EPRS1: variants seen among roughly 807,000 people sequenced by gnomAD.
The protein encoded by EPRS1 is bifunctional glutamate/proline--tRNA ligase.
In EPRS1, 107 loss-of-function variants were observed where a neutral mutation model predicts 188.3. That is an observed-to-expected ratio of 0.57 (90% confidence interval 0.49 to 0.67). The LOEUF is 0.67. Among genes scored for constraint, EPRS1 ranks in the 30% least tolerant of loss-of-function variants. EPRS1 has a pLI of 0.00. For missense variants in EPRS1, 1,577 were observed against 1,802.2 expected (o/e 0.88, Z 2.26); for synonymous variants, 596 against 593.1 (o/e 1.00, Z -0.07).
intron 1 of EPRS1, among the ~76,000 whole-genome samples, chr1:220,043,213 C>G (rs1662332104): frequency 6.6e-6 from 1 of 151,648 alleles, no homozygotes; most frequent in African/African-American, 2.4e-5. Flanking sequence ...AGATTACACA[C>G]TTGTCACATT....
chr1:220,011,071 T>C lies in EPRS1; in HGVS notation c.1495-15A>G, dbSNP rs375126481. ...GGGTCAATAACCTGCAACAAATACA[T>C]CCTCATGTTAAAACACTGCGATATC... On this transcript the variant is annotated splice_polypyrimidine_tract_variant and intron_variant, in intron 12 of 31. Coordinates refer to ENST00000366923, the MANE Select transcript of EPRS1 (RefSeq NM_004446.3). 25 of 1,433,452 alleles carry C rather than the reference T, an allele frequency of 1.7e-5. No individual in the cohort carries two copies. Among genetic ancestry groups the C allele is most frequent in the Non-Finnish European group, 2.5e-5 (25 of 1,015,748 alleles). 88.8% of individuals were successfully genotyped at this position (1,433,452 alleles called of 1,614,324 possible).
In EPRS1 at chr1:220,032,588, G is replaced by A; in HGVS notation, c.389-62C>T. On this transcript the variant is annotated intron_variant, in intron 4 of 31. Transcript: ENST00000366923. ...CTGCAGCTTCAAAAGCAAAGTTCCA[G>A]TTGTGACTAATTGAAGTAATTGAGA... 3.2e-6 allele frequency: 5 copies of A among 1,545,138 alleles called. No homozygotes were observed. The South Asian group carries it at 3.4e-5, about 11-fold the overall frequency.
intron 16 of EPRS1, among the ~76,000 whole-genome samples, chr1:220,002,949 T>C (rs753898147): frequency 6.6e-6 from 1 of 152,248 alleles, no homozygotes; most frequent in Non-Finnish European, 1.5e-5. Context: ...AACATTCATG[T>C]ACACATTTTT....
chr1:220,039,520 A>ATTT lies in EPRS1; in HGVS notation c.131+662_131+664dup, dbSNP rs11414713. On this transcript the variant is annotated intron_variant, in intron 2 of 31. Coordinates refer to ENST00000366923, the MANE Select transcript of EPRS1 (RefSeq NM_004446.3). ...AACAAGCATACAACATTTAATGCTG[A>ATTT]TTTTTTTTTTTTTTTTGAGACAGAG... is the stretch of plus-strand genomic sequence containing the variant. 2.2e-5 allele frequency among the ~76,000 whole-genome samples: 3 copies of ATTT among 138,626 alleles called. 1 individual carries two copies. Among genetic ancestry groups the ATTT allele is most frequent in the African/African-American group, 8.0e-5 (3 of 37,578 alleles). 90.9% of individuals were successfully genotyped at this position (138,626 alleles called of 152,430 possible). A position where few individuals can be genotyped will look rare whatever the true frequency, so the allele number is the denominator to read the frequency against.
chr1:219,983,483 A>G, intron 21 of EPRS1, 85 bp from the exon 22 acceptor site: 1 of 898,836 alleles, frequency 1.1e-6, no homozygotes. Flanking sequence ...CCAAAATTCA[A>G]ATCTGGAGGC....
chr1:219,997,968 T>C (rs1050650414), intron 17 of EPRS1, among the ~76,000 whole-genome samples: 25 of 152,154 alleles, frequency 1.6e-4, no homozygotes, highest in Non-Finnish European at 5.9e-5. Flanking sequence ...TTTACAGGTA[T>C]CTATTTGTGT....
intron 10 of EPRS1, among the ~76,000 whole-genome samples, chr1:220,019,671 T>C (rs1661823626): frequency 6.6e-6 from 1 of 152,022 alleles, no homozygotes; most frequent in Non-Finnish European, 1.5e-5. Flanking sequence ...CAGCAGAGAG[T>C]AGAGATCAGT....
At chr1:220,009,361 T>A (rs1424704584) in intron 13 of EPRS1, among the ~76,000 whole-genome samples, 1 of 152,238 alleles carries the variant, frequency 6.6e-6, no homozygotes, top group East Asian at 1.9e-4. Context: ...GCTACTAGTA[T>A]ATGCGTTAGT....
At chr1:220,043,809 A>C (rs1212742183) in intron 1 of EPRS1, among the ~76,000 whole-genome samples, 1 of 152,220 alleles carries the variant, frequency 6.6e-6, no homozygotes, top group Non-Finnish European at 1.5e-5. Flanking sequence ...CCAAGGGAAG[A>C]CTAGGAAACC....
At chr1:220,013,375 T>C (rs1005438202) in intron 12 of EPRS1, among the ~76,000 whole-genome samples, 2 of 152,210 alleles carry the variant, frequency 1.3e-5, no homozygotes, top group African/African-American at 4.8e-5. Flanking sequence ...TTGAGATAAC[T>C]AATCACCCCA....
chr1:219,983,243 C>T lies in EPRS1; in HGVS notation c.3246G>A (p.Val1082=), dbSNP rs144466712. The change falls in exon 22 of 32, where the codon GTG becomes GTA. Residue 1082 remains valine (V), a synonymous_variant. Transcript: ENST00000366923. ...TCTCTTTCTCTAATGCACTTTGAGA[C>T]ACAAACATGGGGAAGTAGCAGTTTT... ...GVENCYFPMF[V]SQSALEKEKT... The T allele has an allele frequency of 3.8e-4, 611 of 1,614,132 alleles. 2 individuals are homozygous for T. In the East Asian group the frequency reaches 0.012, roughly 33 times the overall value.
intron 11 of EPRS1, 112 bp downstream of exon 11, chr1:220,018,883 A>T: frequency 1.5e-6 from 1 of 685,732 alleles, no homozygotes; most frequent in Non-Finnish European, 2.4e-6. Context: ...CTTGGATCAT[A>T]AGGCACAAAC....
rs1661894708 is a variant in EPRS1, at chr1:220,022,393, A to G, written c.1069T>C (p.Tyr357His). 1 of 1,613,920 alleles carries G rather than the reference A, an allele frequency of 6.2e-7. No individual in the cohort carries two copies. Residue 357 changes from tyrosine (Y) to histidine (H), a missense_variant, in exon 9 of 32, where the codon TAT becomes CAT. Tyr to His is a moderately conservative substitution (Grantham distance 83). Around this residue, in one of 3 missense-constraint regions of EPRS1, gnomAD observed 1,278 missense variants for 1,457.4 expected, o/e 0.88. Coordinates refer to ENST00000366923, the MANE Select transcript of EPRS1 (RefSeq NM_004446.3). ...GGATGTGGTTGAATTTTGCAGCGATAAAGGGTTGGATCTCTCATGCATCCA... is the reference window on the plus strand; with the variant it reads ...GGATGTGGTTGAATTTTGCAGCGATGAAGGGTTGGATCTCTCATGCATCCA... ...NNGCMRDPTL[Y>H]RCKIQPHPRT...
intron 16 of EPRS1, among the ~76,000 whole-genome samples, chr1:220,003,540 A>G (rs1661399895): frequency 6.6e-6 from 1 of 152,174 alleles, no homozygotes; most frequent in Non-Finnish European, 1.5e-5. Context: ...TAGCTCTTAC[A>G]TTTAGGTCTT....
In EPRS1 at chr1:220,034,966, C is replaced by A; in HGVS notation, c.179G>T (p.Arg60Ile). 6.2e-7 allele frequency: 1 copy of A among 1,604,088 alleles called. No individual in the cohort carries two copies. The highest frequency in any genetic ancestry group is 1.7e-5 in the Admixed American group (1 of 58,168). ...DVNSILRYLA[R>I]VATTAGLYGS... Reference sequence around the variant, plus strand: ...ATATAACCCAGCTGTAGTTGCAACTCTAGCCAAGTAGCGAAGTATAGAATT... The same window carrying A: ...ATATAACCCAGCTGTAGTTGCAACTATAGCCAAGTAGCGAAGTATAGAATT... Residue 60 changes from arginine (R) to isoleucine (I), a missense_variant, in exon 3 of 32, where the codon AGA (arginine) becomes ATA (isoleucine). Physicochemically the swap from Arg to Ile is moderately conservative, Grantham distance 97. Coordinates refer to ENST00000366923, the MANE Select transcript of EPRS1 (RefSeq NM_004446.3).
rs1558046216 is a variant in EPRS1 at position 219,987,329 on chromosome 1, T to C, written c.2851A>G (p.Lys951Glu). Residue 951 changes from lysine to glutamate, a missense_variant, in exon 20 of 32, where the codon AAG (lysine) becomes GAG (glutamate). Around this residue, in one of 3 missense-constraint regions of EPRS1, gnomAD observed 1,278 missense variants for 1,457.4 expected, o/e 0.88. Coordinates refer to ENST00000366923, the MANE Select transcript of EPRS1 (RefSeq NM_004446.3). ...TCAGCTCCAGTGGCCGACACAGGCTTATACTCTACTCCTATCAAAGACTTG... is the reference window on the plus strand; with the variant it reads ...TCAGCTCCAGTGGCCGACACAGGCTCATACTCTACTCCTATCAAAGACTTG... ...QYKSLIGVEY[K>E]PVSATGAEDK... 2 of 1,613,976 alleles carry C rather than the reference T, an allele frequency of 1.2e-6. No individual in the cohort carries two copies. The highest frequency in any genetic ancestry group is 2.2e-5 in the East Asian group (1 of 44,872).
chr1:220,018,004 G>GT (rs1211450189), intron 12 of EPRS1: 1 of 472,044 alleles, frequency 2.1e-6, no homozygotes, highest in East Asian at 7.0e-5. Flanking sequence ...TTTTCAATGC[G>GT]TTTGTATAAG....
Position 219,981,477 on chromosome 1 carries a change from A to AGCT in EPRS1, c.3374-21_3374-20insAGC. 1 of 1,528,940 alleles carries AGCT rather than the reference A, an allele frequency of 6.5e-7. No individual in the cohort carries two copies. Among genetic ancestry groups the AGCT allele is most frequent in the Admixed American group, 1.8e-5 (1 of 56,022 alleles). The allele number at this position is 1,528,940 out of a possible 1,614,324, so 94.7% of individuals were successfully genotyped here. A position where few individuals can be genotyped will look rare whatever the true frequency, so the allele number is the denominator to read the frequency against. The stretch of plus-strand genomic sequence containing the variant: ...ACATTACTGAAAGACACGGGAAAAT[A>AGCT]GAGACAGTCATTTAAGGCTTTATTT... On this transcript the variant is annotated intron_variant, in intron 23 of 31. Coordinates refer to ENST00000366923, the MANE Select transcript of EPRS1 (RefSeq NM_004446.3).
At chr1:220,030,902 G>C (rs922807783) in intron 5 of EPRS1, among the ~76,000 whole-genome samples, 1 of 152,094 alleles carries the variant, frequency 6.6e-6, no homozygotes, top group East Asian at 1.9e-4. Flanking sequence ...GACCAGACTG[G>C]CTAACATGGT....
Sources: gnomAD v4.1 joint callset for allele counts (sites outside exome capture counted in the v4.1 genomes callset) on GRCh38, gnomAD v4.1.1 for gene constraint, gnomAD v4.1.1 regional missense constraint, MANE v1.5 for transcripts, NCBI Gene and HGNC (gene_info 2026-07-23, HGNC 2026-07-21) for gene names.